The following SLC9C1 variants were observed in gnomAD, a reference collection of about 807,000 sequenced individuals.
SLC9C1 encodes the protein sodium/hydrogen exchanger 10.
SLC9C1 carries 97 observed loss-of-function variants against 140.9 expected under a neutral mutation model. That is an observed-to-expected ratio of 0.69 (90% CI 0.58 to 0.82). The LOEUF (loss-of-function observed/expected upper bound fraction) is 0.82. Ranked by LOEUF, SLC9C1 falls within the 40% of genes least tolerant of loss-of-function variation. The probability of loss-of-function intolerance (pLI) is 0.00; values close to 1 mark genes in which losing one functional copy is unlikely to be tolerated. For synonymous variants in SLC9C1, 440 were observed against 442.6 expected (o/e 0.99, Z 0.07); for missense variants, 1,340 against 1,389.3 (o/e 0.96, Z 0.56).
chr3:112,212,385 G>T (rs1020676700), intron 15 of SLC9C1, among the ~76,000 whole-genome samples: 1 of 152,136 alleles, frequency 6.6e-6, no homozygotes, highest in African/African-American at 2.4e-5. Flanking sequence ...AGAGAAGAAG[G>T]TTTCAGATGA....
chr3:112,202,062 A>T (rs1230700262), intron 18 of SLC9C1, among the ~76,000 whole-genome samples, 188 bp downstream of exon 18: 1 of 152,018 alleles, frequency 6.6e-6, no homozygotes, highest in Non-Finnish European at 1.5e-5. Flanking sequence ...GTAACTTGCT[A>T]ATATGGCACA....
chr3:112,221,059 A>G, intron 14 of SLC9C1, 69 bp downstream of exon 14: 4 of 1,318,888 alleles, frequency 3.0e-6, no homozygotes, highest in Non-Finnish European at 4.3e-6. Flanking sequence ...AAAAACAAGA[A>G]AACTCACTTG....
intron 26 of SLC9C1, 60 bp from the exon 27 acceptor site, chr3:112,155,109 T>TAGAAA: frequency 7.2e-7 from 1 of 1,387,132 alleles, no homozygotes; most frequent in Non-Finnish European, 1.0e-6. Context: ...ACTATTTCTA[T>TAGAAA]TAGTCCAACT....
chr3:112,266,418 T>A (rs2079919926), intron 7 of SLC9C1, 78 bp from the exon 8 acceptor site: 2 of 1,126,424 alleles, frequency 1.8e-6, no homozygotes, highest in Admixed American at 4.8e-5. Context: ...GTTAAAAGTA[T>A]CAGATGTTGT....
At chr3:112,249,992 CAT>C (rs1298187133) in intron 10 of SLC9C1, among the ~76,000 whole-genome samples, 2 of 151,970 alleles carry the variant, frequency 1.3e-5, no homozygotes, top group African/African-American at 4.8e-5. Flanking sequence ...ATACATGTGA[CAT>C]GTTGGTGTGC....
chr3:112,218,848 T>C (rs2078461113), intron 14 of SLC9C1, among the ~76,000 whole-genome samples: 1 of 152,218 alleles, frequency 6.6e-6, no homozygotes, highest in Non-Finnish European at 1.5e-5. Context: ...GCTCTTGAAC[T>C]CCTATTTTAC....
At chr3:112,279,021 G>T in intron 3 of SLC9C1, 164 bp from the exon 4 acceptor site, 1 of 590,300 alleles carries the variant, frequency 1.7e-6, no homozygotes, top group Non-Finnish European at 2.7e-6. Context: ...ACAAATAATT[G>T]GCCATGGCTT....
chr3:112,287,575 T>C (rs1278179746), intron 1 of SLC9C1, among the ~76,000 whole-genome samples: 1 of 152,216 alleles, frequency 6.6e-6, no homozygotes, highest in Admixed American at 6.5e-5. Context: ...TGATAAGAGT[T>C]TGAAACAATA....
intron 19 of SLC9C1, among the ~76,000 whole-genome samples, chr3:112,200,228 G>A (rs1209191263): frequency 6.6e-6 from 1 of 152,104 alleles, no homozygotes; most frequent in African/African-American, 2.4e-5. Flanking sequence ...ATGACTCAGA[G>A]AATAGGCTAT....
chr3:112,150,666 G>A (rs1271384505), intron 28 of SLC9C1, among the ~76,000 whole-genome samples: 2 of 150,172 alleles, frequency 1.3e-5, no homozygotes, highest in Admixed American at 1.3e-4. Flanking sequence ...TTTTTATAGG[G>A]TATTTTAAGC....
chr3:112,226,877 T>TAAAA (rs1451610736), intron 13 of SLC9C1, among the ~76,000 whole-genome samples: 1 of 151,358 alleles, frequency 6.6e-6, no homozygotes, highest in African/African-American at 2.4e-5. Context: ...AAAAATAATA[T>TAAAA]AAAAGATCAG....
intron 28 of SLC9C1, among the ~76,000 whole-genome samples, chr3:112,145,105 G>T (rs1196357208): frequency 6.6e-6 from 1 of 152,092 alleles, no homozygotes; most frequent in African/African-American, 2.4e-5. Context: ...GAGCTTGATG[G>T]CTCCTATTAT....
chr3:112,146,028 A>G (rs1235306006), intron 28 of SLC9C1, among the ~76,000 whole-genome samples: 2 of 152,176 alleles, frequency 1.3e-5, no homozygotes, highest in Non-Finnish European at 2.9e-5. Flanking sequence ...TAAATTGCCC[A>G]GTCTCAAGTA....
At chr3:112,293,636 A>G (rs1178547174) in intron 1 of SLC9C1, among the ~76,000 whole-genome samples, 2 of 152,136 alleles carry the variant, frequency 1.3e-5, no homozygotes, top group African/African-American at 4.8e-5. Flanking sequence ...CCTACCACAC[A>G]ACGCAGACAT....
At position 112,206,737 on chromosome 3, in the gene SLC9C1, A is replaced by G. The variant is rs567951012; in HGVS notation, c.1986+1441T>C. On this transcript the variant is annotated intron_variant, in intron 16 of 28. Coordinates refer to ENST00000305815, the MANE Select transcript of SLC9C1 (RefSeq NM_183061.3). Reference sequence around the variant, plus strand: ...AAACCATCATTCTGAGCAAACTATCACAAGGACAGAAAACCAAACACCACA... The same window carrying G: ...AAACCATCATTCTGAGCAAACTATCGCAAGGACAGAAAACCAAACACCACA... Among the ~76,000 whole-genome samples, 419 of 151,696 alleles carry G rather than the reference A, an allele frequency of 2.8e-3. 3 individuals are homozygous for G. The highest frequency in any genetic ancestry group is 9.6e-3 in the African/African-American group (394 of 41,098).
At chr3:112,235,772 T>C (rs971108467) in intron 12 of SLC9C1, among the ~76,000 whole-genome samples, 2 of 152,230 alleles carry the variant, frequency 1.3e-5, no homozygotes, top group African/African-American at 4.8e-5. Context: ...GGATTACATT[T>C]ATTGATTTGT....
At chr3:112,263,890 AAT>A (rs1325410901) in intron 9 of SLC9C1, among the ~76,000 whole-genome samples, 10 of 152,006 alleles carry the variant, frequency 6.6e-5, no homozygotes, top group Non-Finnish European at 1.5e-4. Flanking sequence ...TTTGTTATAT[AAT>A]ATTGAGCAAA....
intron 23 of SLC9C1, among the ~76,000 whole-genome samples, chr3:112,172,357 AGTT>A (rs141998631): frequency 0.054 from 8,161 of 152,024 alleles, 267 homozygotes; most frequent in South Asian, 0.084. Flanking sequence ...TTTTATTTCC[AGTT>A]GTTTGTTACT....
At chr3:112,205,716 G>T (rs574301144) in intron 16 of SLC9C1, among the ~76,000 whole-genome samples, 3 of 134,388 alleles carry the variant, frequency 2.2e-5, no homozygotes, top group African/African-American at 8.2e-5. Context: ...ACAACTATCT[G>T]ATCTTTGACA....
Sources: gnomAD v4.1 joint callset for allele counts (sites outside exome capture counted in the v4.1 genomes callset) on GRCh38, gnomAD v4.1.1 for gene constraint, MANE v1.5 for transcripts, NCBI Gene and HGNC (gene_info 2026-07-23, HGNC 2026-07-21) for gene names.